The following GPR6 variants were observed in gnomAD, a reference collection of about 807,000 sequenced individuals.
The protein encoded by GPR6 is sphingosine 1-phosphate receptor GPR6.
GPR6 carries 14 observed loss-of-function variants against 18.5 expected under a neutral mutation model. The ratio of observed to expected loss-of-function variants is 0.76; its 90% CI spans 0.50 to 1.18. The LOEUF is 1.18. GPR6 is among the 50% of genes most tolerant of loss of function. The probability of loss-of-function intolerance (pLI) is 0.00; values close to 1 mark genes in which losing one functional copy is unlikely to be tolerated. For synonymous variants in GPR6, 299 were observed against 240.9 expected (o/e 1.24, Z -2.23); for missense variants, 477 against 495.9 (o/e 0.96, Z 0.36).
rs531215759 is a variant in GPR6, at chr6:109,980,328, T to C, written c.*127T>C. The C allele has an allele frequency of 2.2e-6, 3 of 1,344,710 alleles. No individual in the cohort carries two copies. In the South Asian group the frequency reaches 3.9e-5, roughly 17 times the overall value. 83.3% of individuals were successfully genotyped at this position (1,344,710 alleles called of 1,614,324 possible). On this transcript the variant is annotated 3_prime_UTR_variant, in exon 2 of 2. Coordinates refer to ENST00000275169, the MANE Select transcript of GPR6 (RefSeq NM_005284.5). ...TCTGACTTTGGAAAGAAAAAGGGAC[T>C]AAAGAGAAATGTAACAAACTTACAA...
chr6:109,980,029 A>G lies in GPR6; in HGVS notation c.917A>G (p.Asp306Gly). The change falls in exon 2 of 2, where the codon GAC (aspartate) becomes GGC (glycine). Residue 306 changes from aspartate (D) to glycine (G), a missense_variant. Transcript: ENST00000275169. ...TATTGCGTGGTGGGCAGCCATGAGG[A>G]CCCGGCGGTCTACACTTACGCCACC... is the stretch of plus-strand genomic sequence containing the variant. ...AIYCVVGSHE[D>G]PAVYTYATLL... 1 of 1,613,468 alleles carries G rather than the reference A, an allele frequency of 6.2e-7. No homozygotes were observed. The highest frequency in any genetic ancestry group is 8.5e-7 in the Non-Finnish European group (1 of 1,179,918).
intron 1 of GPR6, 65 bp from the exon 2 acceptor site, chr6:109,979,030 C>A (rs1011025720): frequency 3.9e-6 from 6 of 1,537,118 alleles, no homozygotes; most frequent in South Asian, 1.2e-5. Context: ...GGAGGCTCTA[C>A]GCGTGGGGAA....
rs777607800 is a variant in GPR6 at position 109,979,415 on chromosome 6, G to A, written c.303G>A (p.Pro101=). 1 of 1,613,324 alleles carries A rather than the reference G, an allele frequency of 6.2e-7. No homozygotes were observed. Among genetic ancestry groups the A allele is most frequent in the Admixed American group, 1.7e-5 (1 of 60,006 alleles). Residue 101 remains proline (P), a synonymous_variant, in exon 2 of 2, where the codon CCG becomes CCA. Coordinates refer to ENST00000275169, the MANE Select transcript of GPR6 (RefSeq NM_005284.5). ...TGGTGGCGCTCATCGCGTCCACTCC[G>A]GCGCTGCGCACGCCCATGTTCGTGC... ...ALVVALIAST[P]ALRTPMFVLV... is the part of the protein sequence containing the mutation.
rs2114349774 is a variant in GPR6, at chr6:109,980,519, A to AAACG, written c.*321_*324dup. 2.8e-6 allele frequency: 1 copy of AAACG among 362,594 alleles called. No homozygotes were observed. The highest frequency in any genetic ancestry group is 6.8e-5 in the East Asian group (1 of 14,652). The allele number at this position is 362,594 out of a possible 1,614,324, so 22.5% of individuals were successfully genotyped here. On this transcript the variant is annotated 3_prime_UTR_variant, in exon 2 of 2. Transcript: ENST00000275169. The stretch of plus-strand genomic sequence containing the variant: ...ACTCAAATTGTACATCACGTTTGTC[A>AAACG]AACGAAGACATTCCAATACTGCTTA...
chr6:109,979,945 T>G lies in GPR6; in HGVS notation c.833T>G (p.Val278Gly). 6.2e-7 allele frequency: 1 copy of G among 1,613,028 alleles called. No individual in the cohort carries two copies. Among genetic ancestry groups the G allele is most frequent in the South Asian group, 1.1e-5 (1 of 91,086 alleles). The change falls in exon 2 of 2, where the codon GTG becomes GGG. Residue 278 changes from valine to glycine, a missense_variant. Transcript: ENST00000275169. ...CATCTCGCTGCCACCAGAAAGGGTG[T>G]GGGTACACTGGCTGTGGTGCTGGGC... ...PPHLAATRKG[V>G]GTLAVVLGTF...
chr6:109,978,726 A>C, intron 1 of GPR6: 1 of 1,535,070 alleles, frequency 6.5e-7, no homozygotes, highest in South Asian at 1.2e-5. Flanking sequence ...GCCCAGCCCC[A>C]TGGGGATGTC....
intron 1 of GPR6, 170 bp downstream of exon 1, chr6:109,978,637 G>C: frequency 9.8e-7 from 1 of 1,021,370 alleles, no homozygotes; most frequent in Non-Finnish European, 1.4e-6. Context: ...CCCTTCGCAG[G>C]GGTCTCTGGG....
chr6:109,980,212 C>T lies in GPR6; in HGVS notation c.*11C>T. The T allele has an allele frequency of 6.2e-7, 1 of 1,614,134 alleles. No individual in the cohort carries two copies. The highest frequency in any genetic ancestry group is 1.1e-5 in the South Asian group (1 of 91,074). ...CCCAGCGAGGTCTGAAGGGCTCGCC[C>T]CGTGTCCTCTCACCAACACCACACC... is the stretch of plus-strand genomic sequence containing the variant. On this transcript the variant is annotated 3_prime_UTR_variant, in exon 2 of 2. Coordinates refer to ENST00000275169, the MANE Select transcript of GPR6 (RefSeq NM_005284.5).
intron 1 of GPR6, 152 bp from the exon 2 acceptor site, chr6:109,978,943 C>G: frequency 6.6e-7 from 1 of 1,522,162 alleles, no homozygotes; most frequent in Non-Finnish European, 8.9e-7. Context: ...ATTTTGGGTT[C>G]GCACTTAACC....
rs913191668 is a variant in GPR6, at chr6:109,979,448, C to A, written c.336C>A (p.Gly112=). The change falls in exon 2 of 2, where the codon GGC becomes GGA. Residue 112 remains glycine (G), a synonymous_variant. Transcript: ENST00000275169. ...ALRTPMFVLV[G]SLATADLLAG... ...GCACGCCCATGTTCGTGCTGGTAGG[C>A]AGCCTGGCCACCGCTGACCTGTTGG... The A allele has an allele frequency of 6.2e-7, 1 of 1,613,166 alleles. No individual in the cohort carries two copies. Among genetic ancestry groups the A allele is most frequent in the African/African-American group, 1.3e-5 (1 of 74,948 alleles).
chr6:109,978,717 C>A, intron 1 of GPR6: 1 of 1,532,324 alleles, frequency 6.5e-7, no homozygotes, highest in Non-Finnish European at 8.7e-7. Flanking sequence ...GTCTCTGCTG[C>A]CCAGCCCCAT....
At position 109,980,398 on chromosome 6, in the gene GPR6, G is replaced by A. The variant is rs1771062664; in HGVS notation, c.*197G>A. On this transcript the variant is annotated 3_prime_UTR_variant, in exon 2 of 2. Transcript: ENST00000275169. The stretch of plus-strand genomic sequence containing the variant: ...CACTTTACATATACAGTGTATACAT[G>A]TGTACATATATATACAAATATTTGT... The A allele has an allele frequency of 1.5e-6, 1 of 662,852 alleles. No individual in the cohort carries two copies. Among genetic ancestry groups the A allele is most frequent in the Admixed American group, 3.1e-5 (1 of 32,414 alleles). 41.1% of individuals were successfully genotyped at this position (662,852 alleles called of 1,614,324 possible). A position where few individuals can be genotyped will look rare whatever the true frequency, so the allele number is the denominator to read the frequency against.
rs1322198918 is a variant in GPR6, at chr6:109,980,066, C to G, written c.954C>G (p.Ala318=). 1 of 1,614,182 alleles carries G rather than the reference C, an allele frequency of 6.2e-7. No homozygotes were observed. Among genetic ancestry groups the G allele is most frequent in the Non-Finnish European group, 8.5e-7 (1 of 1,180,026 alleles). ...ACACTTACGCCACCCTGCTGCCCGC[C>G]ACCTACAACTCCATGATCAATCCCA... ...AVYTYATLLP[A]TYNSMINPII... The change falls in exon 2 of 2, where the codon GCC becomes GCG. Residue 318 remains alanine, a synonymous_variant. Coordinates refer to ENST00000275169, the MANE Select transcript of GPR6 (RefSeq NM_005284.5).
chr6:109,978,870 T>C, intron 1 of GPR6: 1 of 1,534,198 alleles, frequency 6.5e-7, no homozygotes, highest in Non-Finnish European at 8.7e-7. Context: ...GTTGTCCTGG[T>C]GTATATCTGC....
In GPR6 at chr6:109,980,374, A is replaced by C; in HGVS notation, c.*173A>C. The C allele has an allele frequency of 2.5e-6, 2 of 811,392 alleles. No homozygotes were observed. Among genetic ancestry groups the C allele is most frequent in the East Asian group, 2.6e-5 (1 of 38,060 alleles). The allele number at this position is 811,392 out of a possible 1,614,324, so 50.3% of individuals were successfully genotyped here. Reference sequence around the variant, plus strand: ...TACAAGGACAAAGAGGCTTGTTGGCACTTTACATATACAGTGTATACATGT... The same window carrying C: ...TACAAGGACAAAGAGGCTTGTTGGCCCTTTACATATACAGTGTATACATGT... On this transcript the variant is annotated 3_prime_UTR_variant, in exon 2 of 2. Coordinates refer to ENST00000275169, the MANE Select transcript of GPR6 (RefSeq NM_005284.5).
At chr6:109,978,637 G>A (rs1770997982) in intron 1 of GPR6, 170 bp downstream of exon 1, 1 of 1,021,370 alleles carries the variant, frequency 9.8e-7, no homozygotes. Context: ...CCCTTCGCAG[G>A]GGTCTCTGGG....
Position 109,980,238 on chromosome 6 carries a change from C to T in GPR6, c.*37C>T. 6.2e-7 allele frequency: 1 copy of T among 1,611,742 alleles called. No homozygotes were observed. The highest frequency in any genetic ancestry group is 2.2e-5 in the East Asian group (1 of 44,872). On this transcript the variant is annotated 3_prime_UTR_variant, in exon 2 of 2. Transcript: ENST00000275169. ...CGTGTCCTCTCACCAACACCACACC[C>T]CAACAAGCCAGCCTTTGGTAAGCTC...
Position 109,980,502 on chromosome 6 carries a change from T to C in GPR6, c.*301T>C, listed in dbSNP as rs373218792. The C allele has an allele frequency of 1.1e-4, 44 of 403,164 alleles. No homozygotes were observed. The highest frequency in any genetic ancestry group is 8.7e-4 in the African/African-American group (41 of 47,368). The allele number at this position is 403,164 out of a possible 1,614,324, so 25.0% of individuals were successfully genotyped here. On this transcript the variant is annotated 3_prime_UTR_variant, in exon 2 of 2. Coordinates refer to ENST00000275169, the MANE Select transcript of GPR6 (RefSeq NM_005284.5). Reference sequence around the variant, plus strand: ...AAAAGATATGGTTGTATACTCAAATTGTACATCACGTTTGTCAAACGAAGA... The same window carrying C: ...AAAAGATATGGTTGTATACTCAAATCGTACATCACGTTTGTCAAACGAAGA...
rs767599751 is a variant in GPR6 at position 109,979,341 on chromosome 6, G to C, written c.229G>C (p.Val77Leu). Residue 77 changes from valine to leucine, a missense_variant, in exon 2 of 2, where the codon GTG (valine) becomes CTG (leucine). Val to Leu is a conservative substitution (Grantham distance 32, BLOSUM62 1). Coordinates refer to ENST00000275169, the MANE Select transcript of GPR6 (RefSeq NM_005284.5). ...GCTGCCAGCGGTGAATCCGTGGGAC[G>C]TGCTCCTGTGCGTGTCGGGGACAGT... is the stretch of plus-strand genomic sequence containing the variant. ...LLLPAVNPWD[V>L]LLCVSGTVIA... is the part of the protein sequence containing the mutation. The C allele has an allele frequency of 6.2e-7, 1 of 1,613,750 alleles. No individual in the cohort carries two copies. Among genetic ancestry groups the C allele is most frequent in the Admixed American group, 1.7e-5 (1 of 60,028 alleles).
Sources: allele counts gnomAD v4.1 joint callset, GRCh38; gene constraint gnomAD v4.1.1; transcripts MANE v1.5; gene names NCBI Gene and HGNC (gene_info 2026-07-23, HGNC 2026-07-21).